The following C3orf20 variants were observed in gnomAD, a reference collection of about 807,000 sequenced individuals.
C3orf20 encodes the protein uncharacterized protein C3orf20.
A neutral mutation model predicts 88.3 loss-of-function variants in C3orf20; 76 were observed. The ratio of observed to expected loss-of-function variants is 0.86; its 90% CI spans 0.72 to 1.04. C3orf20 has a LOEUF of 1.04. C3orf20 is among the 50% of genes least tolerant of loss of function. The probability of loss-of-function intolerance (pLI) is 0.00; values close to 1 mark genes in which losing one functional copy is unlikely to be tolerated. For missense variants in C3orf20, 1,056 were observed against 1,123.3 expected, an observed-to-expected ratio of 0.94 and a Z score of 0.86; for synonymous variants, 436 against 437.4, an observed-to-expected ratio of 1.00 and a Z score of 0.04.
At chr3:14,750,566 A>G (rs1345747834) in intron 12 of C3orf20, among the ~76,000 whole-genome samples, 1 of 151,986 alleles carries the variant, frequency 6.6e-6, no homozygotes, top group Non-Finnish European at 1.5e-5. Context: ...AAAAAAAAAA[A>G]AAAAAATTCT....
At chr3:14,737,635 G>T (rs1218981326) in intron 12 of C3orf20, among the ~76,000 whole-genome samples, 1 of 152,208 alleles carries the variant, frequency 6.6e-6, no homozygotes, top group Non-Finnish European at 1.5e-5. Flanking sequence ...TGATCAGGGT[G>T]GTGGTTGCTG....
intron 7 of C3orf20, among the ~76,000 whole-genome samples, chr3:14,712,184 A>G (rs879592949): frequency 4.8e-3 from 59 of 12,350 alleles, no homozygotes; most frequent in Admixed American, 0.027. Flanking sequence ...GCGCGCGCGC[A>G]CACACACACA....
intron 12 of C3orf20, among the ~76,000 whole-genome samples, chr3:14,751,030 A>T (rs1028408591): frequency 3.3e-5 from 5 of 152,094 alleles, no homozygotes; most frequent in Non-Finnish European, 7.4e-5. Flanking sequence ...AATCTTAATT[A>T]TCCTATCTTC....
chr3:14,738,192 G>C (rs1293999972), intron 12 of C3orf20, among the ~76,000 whole-genome samples: 1 of 124,036 alleles, frequency 8.1e-6, no homozygotes, highest in African/African-American at 3.2e-5. Context: ...TTTTGAGGCA[G>C]AGTCTCACTC....
chr3:14,748,270 T>A (rs955174674), intron 12 of C3orf20, among the ~76,000 whole-genome samples: 1 of 152,178 alleles, frequency 6.6e-6, no homozygotes, highest in Non-Finnish European at 1.5e-5. Flanking sequence ...TTGTTCACAA[T>A]TTTTTCTTAC....
intron 12 of C3orf20, among the ~76,000 whole-genome samples, chr3:14,749,932 A>G (rs2035172224): frequency 6.6e-6 from 1 of 151,536 alleles, no homozygotes; most frequent in Non-Finnish European, 1.5e-5. Context: ...GTCTTTATGC[A>G]TTGTGTGCCC....
At position 14,682,878 on chromosome 3, in the gene C3orf20, C is replaced by G; in HGVS notation, c.165C>G (p.Ile55Met). ...TTGAGTTCACTTGGGAAGAGCTCAT[C>G]AGTGACCCTTCAGTGCCTACCCCGT... is the stretch of plus-strand genomic sequence containing the variant. The part of the protein sequence containing the change: ...NIFEFTWEEL[I>M]SDPSVPTPSD... The change falls in exon 3 of 17, where the codon ATC (isoleucine) becomes ATG (methionine). Residue 55 changes from isoleucine (I) to methionine (M), a missense_variant. Transcript: ENST00000253697. 1.9e-6 allele frequency: 3 copies of G among 1,614,236 alleles called. No individual in the cohort carries two copies. Among genetic ancestry groups the G allele is most frequent in the Non-Finnish European group, 2.5e-6 (3 of 1,180,036 alleles).
At chr3:14,735,384 T>A (rs2034673343) in intron 12 of C3orf20, among the ~76,000 whole-genome samples, 1 of 151,988 alleles carries the variant, frequency 6.6e-6, no homozygotes, top group African/African-American at 2.4e-5. Flanking sequence ...TTAAACATTA[T>A]TTTAGTATTT....
At chr3:14,732,477 T>G (rs139364253) in intron 12 of C3orf20, among the ~76,000 whole-genome samples, 1 of 152,378 alleles carries the variant, frequency 6.6e-6, no homozygotes, top group East Asian at 1.9e-4. Flanking sequence ...TGTATTTGGA[T>G]GAAGTCTAAT....
Position 14,682,295 on chromosome 3 carries a change from A to G in C3orf20, c.-173A>G. The G allele has an allele frequency of 6.0e-6, 1 of 166,120 alleles. No individual in the cohort carries two copies. Among genetic ancestry groups the G allele is most frequent in the Non-Finnish European group, 1.3e-5 (1 of 76,262 alleles). 10.3% of individuals were successfully genotyped at this position (166,120 alleles called of 1,614,324 possible). On this transcript the variant is annotated 5_prime_UTR_variant, in exon 2 of 17. Coordinates refer to ENST00000253697, the MANE Select transcript of C3orf20 (RefSeq NM_032137.5). Reference sequence around the variant, plus strand: ...TGCAGGTTCTTAATGATTGACCACAAGCAGATCTTTCACCCTCGGATCTCT... The same window carrying G: ...TGCAGGTTCTTAATGATTGACCACAGGCAGATCTTTCACCCTCGGATCTCT...
chr3:14,714,473 A>T (rs539583517), intron 8 of C3orf20, among the ~76,000 whole-genome samples: 1 of 152,334 alleles, frequency 6.6e-6, no homozygotes, highest in Non-Finnish European at 1.5e-5. Context: ...AGTGGAAAAA[A>T]TATGTTTTAT....
rs140548442 is a variant in C3orf20 at position 14,704,481 on chromosome 3, A to G, written c.1023A>G (p.Ala341=). Residue 341 remains alanine, a synonymous_variant, in exon 7 of 17, where the codon GCA becomes GCG. Coordinates refer to ENST00000253697, the MANE Select transcript of C3orf20 (RefSeq NM_032137.5). ...CGGGTTTACATTACCCTCCCACTGC[A>G]GGTGCTCAGACTCTCAGCCCCACCT... ...QTPGLHYPPT[A]GAQTLSPTSH... 934 of 1,614,148 alleles carry G rather than the reference A, an allele frequency of 5.8e-4. 4 individuals are homozygous for G. Among genetic ancestry groups the G allele is most frequent in the Non-Finnish European group, 7.4e-4 (871 of 1,179,998 alleles).
chr3:14,719,012 T>C lies in C3orf20; in HGVS notation c.1435-2641T>C, dbSNP rs576698557. Among the ~76,000 whole-genome samples the C allele has an allele frequency of 1.7e-4, 26 of 152,328 alleles. No individual in the cohort carries two copies. The South Asian group carries it at 3.7e-3, about 22-fold the overall frequency. On this transcript the variant is annotated intron_variant, in intron 9 of 16. Coordinates refer to ENST00000253697, the MANE Select transcript of C3orf20 (RefSeq NM_032137.5). The stretch of plus-strand genomic sequence containing the variant: ...GTGGAGTTTGGCCATGACTGTGGCC[T>C]GCCTTCAGGCTAAAGCCGTAAACCT...
intron 12 of C3orf20, among the ~76,000 whole-genome samples, chr3:14,732,299 A>G (rs887157026): frequency 6.6e-5 from 10 of 152,204 alleles, no homozygotes; most frequent in Admixed American, 3.3e-4. Context: ...TCTTTGGTGA[A>G]GTATCCAAGT....
At chr3:14,715,010 C>T (rs945663517) in intron 8 of C3orf20, among the ~76,000 whole-genome samples, 1 of 152,238 alleles carries the variant, frequency 6.6e-6, no homozygotes, top group African/African-American at 2.4e-5. Context: ...CTATTATACA[C>T]TCAGGCTACT....
intron 12 of C3orf20, among the ~76,000 whole-genome samples, 185 bp from the exon 13 acceptor site, chr3:14,757,186 C>T (rs1314534431): frequency 6.6e-6 from 1 of 152,194 alleles, no homozygotes; most frequent in Non-Finnish European, 1.5e-5. Flanking sequence ...TCTCATTTTG[C>T]ACTGTGGAAA....
rs146393365 is a variant in C3orf20 at position 14,679,305 on chromosome 3, G to T, written c.-298-2865G>T. On this transcript the variant is annotated intron_variant, in intron 1 of 16. Transcript: ENST00000253697. Reference sequence around the variant, plus strand: ...ATCCATGTCTCAGTGATGGAAAAATGAATGACAAAATAGAAATTGGATAAA... The same window carrying T: ...ATCCATGTCTCAGTGATGGAAAAATTAATGACAAAATAGAAATTGGATAAA... Among the ~76,000 whole-genome samples the T allele has an allele frequency of 7.9e-5, 12 of 152,310 alleles. No homozygotes were observed. The East Asian group carries it at 2.1e-3, about 27-fold the overall frequency.
intron 9 of C3orf20, among the ~76,000 whole-genome samples, chr3:14,719,698 G>T (rs960384645): frequency 6.6e-6 from 1 of 152,154 alleles, no homozygotes; most frequent in African/African-American, 2.4e-5. Context: ...GGGAGAGAAA[G>T]AAAAACCATC....
intron 9 of C3orf20, among the ~76,000 whole-genome samples, chr3:14,719,373 G>T (rs1404431067): frequency 1.3e-5 from 2 of 152,092 alleles, no homozygotes; most frequent in African/African-American, 4.8e-5. Flanking sequence ...TTTTTTAAAG[G>T]GGTCATTTCA....
Sources: gnomAD v4.1 joint callset for allele counts (sites outside exome capture counted in the v4.1 genomes callset) on GRCh38, gnomAD v4.1.1 for gene constraint, MANE v1.5 for transcripts, NCBI Gene and HGNC (gene_info 2026-07-23, HGNC 2026-07-21) for gene names.